The following UGT3A2 variants were observed in gnomAD, a reference collection of about 807,000 sequenced individuals.
UGT3A2 encodes UDP-glycosyltransferase 3A2.
In UGT3A2, 32 loss-of-function variants were observed where a neutral mutation model predicts 39.8. The observed-to-expected ratio is 0.80, with a 90% confidence interval of 0.61 to 1.08. The LOEUF is 1.08. Among genes scored for constraint, UGT3A2 ranks in the 50% least tolerant of loss-of-function variants. The pLI, the probability that UGT3A2 is intolerant of heterozygous loss-of-function variation, is 0.00. For missense variants in UGT3A2, 611 were observed against 637.1 expected, an observed-to-expected ratio of 0.96 and a Z score of 0.44; for synonymous variants, 241 against 230.7, an observed-to-expected ratio of 1.04 and a Z score of -0.40.
intron 4 of UGT3A2, among the ~76,000 whole-genome samples, chr5:36,047,654 ATAATT>A (rs990516987): frequency 3.4e-4 from 48 of 142,740 alleles, no homozygotes; most frequent in South Asian, 6.7e-4. Flanking sequence ...GAGAAGAAAC[ATAATT>A]TTTTTTAAGT....
At chr5:36,057,538 T>TCTC (rs200655363) in intron 2 of UGT3A2, among the ~76,000 whole-genome samples, 4 of 118,764 alleles carry the variant, frequency 3.4e-5, no homozygotes, top group African/African-American at 1.4e-4. Context: ...TCTCTCTCTC[T>TCTC]TTTTTTTTTT....
At chr5:36,057,733 G>A (rs575459152) in intron 2 of UGT3A2, among the ~76,000 whole-genome samples, 1 of 151,840 alleles carries the variant, frequency 6.6e-6, no homozygotes, top group Non-Finnish European at 1.5e-5. Flanking sequence ...TAGAGATGAA[G>A]TCTCACTATG....
At chr5:36,046,299 T>C (rs1446452452) in intron 4 of UGT3A2, among the ~76,000 whole-genome samples, 1 of 152,234 alleles carries the variant, frequency 6.6e-6, no homozygotes, top group East Asian at 1.9e-4. Context: ...ACTGAAGAGA[T>C]ACCTGCACTT....
chr5:36,052,692 TA>T (rs1307523013), intron 2 of UGT3A2, among the ~76,000 whole-genome samples: 1 of 152,064 alleles, frequency 6.6e-6, no homozygotes, highest in Non-Finnish European at 1.5e-5. Context: ...CCCTGCTCTC[TA>T]AAGCCATTTT....
chr5:36,061,187 C>T (rs1742686866), intron 2 of UGT3A2, among the ~76,000 whole-genome samples: 1 of 151,870 alleles, frequency 6.6e-6, no homozygotes, highest in South Asian at 2.1e-4. Flanking sequence ...AAAAACATGG[C>T]TAAAATGGTA....
intron 5 of UGT3A2, 116 bp downstream of exon 5, chr5:36,039,361 G>A: frequency 2.0e-6 from 2 of 1,012,750 alleles, no homozygotes; most frequent in Non-Finnish European, 3.0e-6. Flanking sequence ...TCTGCCCACT[G>A]AGCCTTACCT....
intron 4 of UGT3A2, among the ~76,000 whole-genome samples, chr5:36,047,014 T>A (rs762900699): frequency 1.5e-4 from 23 of 152,212 alleles, no homozygotes; most frequent in Admixed American, 4.6e-4. Context: ...TAAACAAGTG[T>A]ATGTCGGCTC....
chr5:36,048,880 T>C lies in UGT3A2; in HGVS notation c.843+9A>G, dbSNP rs781340479. 1 of 1,610,844 alleles carries C rather than the reference T, an allele frequency of 6.2e-7. No homozygotes were observed. The highest frequency in any genetic ancestry group is 2.2e-5 in the East Asian group (1 of 44,826). ...TGAATCCCAAACTGAATGCTGAGGGTTCACTTACTTGTGGTACTGGTTTAA... is the reference window on the plus strand; with the variant it reads ...TGAATCCCAAACTGAATGCTGAGGGCTCACTTACTTGTGGTACTGGTTTAA... On this transcript the variant is annotated intron_variant, in intron 4 of 6. Coordinates refer to ENST00000282507, the MANE Select transcript of UGT3A2 (RefSeq NM_174914.4).
At chr5:36,042,975 C>T (rs1742058346) in intron 4 of UGT3A2, among the ~76,000 whole-genome samples, 1 of 151,968 alleles carries the variant, frequency 6.6e-6, no homozygotes. Flanking sequence ...GACGCATCAT[C>T]CAGACAGAAA....
chr5:36,046,886 G>A (rs1311801433), intron 4 of UGT3A2, among the ~76,000 whole-genome samples: 2 of 152,188 alleles, frequency 1.3e-5, no homozygotes, highest in African/African-American at 2.4e-5. Flanking sequence ...CCCCCAGGTA[G>A]CTCTTAACAA....
rs1741944598 is a variant in UGT3A2, at chr5:36,039,657, T to C, written c.895A>G (p.Thr299Ala). 1 of 1,613,942 alleles carries C rather than the reference T, an allele frequency of 6.2e-7. No individual in the cohort carries two copies. Among genetic ancestry groups the C allele is most frequent in the South Asian group, 1.1e-5 (1 of 91,084 alleles). ...CAGGTGTTCACCATGGAGCCCAAGG[T>C]CACAAGGACAAAACCAGAGTCCCCA... ...KFGDSGFVLV[T>A]LGSMVNTCQN... The change falls in exon 5 of 7, where the codon ACC becomes GCC. Residue 299 changes from threonine (T) to alanine (A), a missense_variant. Physicochemically the swap from Thr to Ala is moderately conservative, Grantham distance 58. Coordinates refer to ENST00000282507, the MANE Select transcript of UGT3A2 (RefSeq NM_174914.4).
chr5:36,051,855 TA>T lies in UGT3A2; in HGVS notation c.311+14del, dbSNP rs779288071. The T allele has an allele frequency of 3.8e-6, 6 of 1,560,050 alleles. No individual in the cohort carries two copies. The African/African-American group carries it at 4.2e-5, about 11-fold the overall frequency. On this transcript the variant is annotated intron_variant, in intron 3 of 6. Coordinates refer to ENST00000282507, the MANE Select transcript of UGT3A2 (RefSeq NM_174914.4). Reference sequence around the variant, plus strand: ...AATGGTGACCTTTTTGTTCAAAGAATAAAAAAACAATTACCTGCCACCTAAA... The same window carrying T: ...AATGGTGACCTTTTTGTTCAAAGAATAAAAAACAATTACCTGCCACCTAAA...
In UGT3A2 at chr5:36,037,894, G is replaced by C; in HGVS notation, c.1198C>G (p.Arg400Gly). 1 of 1,613,872 alleles carries C rather than the reference G, an allele frequency of 6.2e-7. No homozygotes were observed. Among genetic ancestry groups the C allele is most frequent in the Non-Finnish European group, 8.5e-7 (1 of 1,179,948 alleles). Residue 400 changes from arginine (R) to glycine (G), a missense_variant, in exon 6 of 7, where the codon CGA (arginine) becomes GGA (glycine). By Grantham distance (125) the Arg-to-Gly change is moderately radical. Transcript: ENST00000282507. ...ACACCAAACTTTTTGGCTTCTACTC[G>C]GACCATGTTTTCAGGCTGGTCTCCA... Reference protein sequence around the residue: ...LFGDQPENMVRVEAKKFGVSI... With the variant: ...LFGDQPENMVGVEAKKFGVSI...
At chr5:36,039,240 C>A (rs1297174529) in intron 5 of UGT3A2, among the ~76,000 whole-genome samples, 1 of 152,214 alleles carries the variant, frequency 6.6e-6, no homozygotes, top group Non-Finnish European at 1.5e-5. Context: ...CATAGGACTG[C>A]AGACATCAGG....
At chr5:36,052,839 G>T (rs1488454431) in intron 2 of UGT3A2, among the ~76,000 whole-genome samples, 1 of 152,180 alleles carries the variant, frequency 6.6e-6, no homozygotes, top group Non-Finnish European at 1.5e-5. Flanking sequence ...TTTGTGTAAG[G>T]ATTGGGGGTA....
rs757886257 is a variant in UGT3A2, at chr5:36,037,965, A to G, written c.1127T>C (p.Met376Thr). The G allele has an allele frequency of 6.2e-7, 1 of 1,613,748 alleles. No homozygotes were observed. The highest frequency in any genetic ancestry group is 1.3e-5 in the African/African-American group (1 of 74,926). The change falls in exon 6 of 7, where the codon ATG becomes ACG. Residue 376 changes from methionine to threonine, a missense_variant. Transcript: ENST00000282507. ...GGGCACACCATGCTGGATGGCCTCC[A>G]TTATGCTATTCTGCCCGCCGTGGGT... ...FVTHGGQNSI[M>T]EAIQHGVPMV...
chr5:36,058,731 G>A (rs1284894131), intron 2 of UGT3A2, among the ~76,000 whole-genome samples: 1 of 151,924 alleles, frequency 6.6e-6, no homozygotes, highest in African/African-American at 2.4e-5. Flanking sequence ...TCTTCCCCTG[G>A]CCCCCTTCTT....
chr5:36,054,566 C>A (rs1016689552), intron 2 of UGT3A2, among the ~76,000 whole-genome samples: 8 of 152,288 alleles, frequency 5.3e-5, no homozygotes, highest in South Asian at 2.1e-4. Context: ...CATTCAGTGG[C>A]AAAATTGCTC....
intron 5 of UGT3A2, among the ~76,000 whole-genome samples, chr5:36,038,371 C>G (rs2111690271): frequency 6.6e-6 from 1 of 152,304 alleles, no homozygotes; most frequent in Admixed American, 6.5e-5. Context: ...TTCTGTGTGT[C>G]TCTCTGTTTC....
Sources: allele counts gnomAD v4.1 joint callset (sites outside exome capture counted in the v4.1 genomes callset), GRCh38; gene constraint gnomAD v4.1.1; transcripts MANE v1.5; gene names NCBI Gene and HGNC (gene_info 2026-07-23, HGNC 2026-07-21).